RORA: variants seen among roughly 807,000 people sequenced by gnomAD.
RORA encodes the protein nuclear receptor ROR-alpha.
RORA carries 7 observed loss-of-function variants against 69.5 expected under a neutral mutation model. The ratio of observed to expected loss-of-function variants is 0.10; its 90% confidence interval spans 0.06 to 0.19. The LOEUF is 0.19. Ranked by LOEUF, RORA falls within the 10% of genes least tolerant of loss-of-function variation. The pLI is 1.00. For missense variants in RORA, 457 were observed against 663.0 expected (o/e 0.69, Z 3.41); for synonymous variants, 261 against 240.8 (o/e 1.08, Z -0.78).
At chr15:60,515,989 A>T (rs1261214229) in intron 3 of RORA, among the ~76,000 whole-genome samples, 1 of 6,680 alleles carries the variant, frequency 1.5e-4, no homozygotes, top group Non-Finnish European at 8.8e-4. Context: ...ATTTATATAT[A>T]TTTATATATA....
At chr15:60,688,226 TCCC>T (rs2070774674) in intron 1 of RORA, among the ~76,000 whole-genome samples, 2 of 150,396 alleles carry the variant, frequency 1.3e-5, no homozygotes, top group East Asian at 3.9e-4. Context: ...AAATTCAAAG[TCCC>T]AAAGCATAGT....
chr15:60,514,864 T>A, intron 3 of RORA, 107 bp from the exon 4 acceptor site: 1 of 803,208 alleles, frequency 1.2e-6, no homozygotes, highest in Non-Finnish European at 2.0e-6. Context: ...AATGGAGAAT[T>A]AAACTTGTAG....
At chr15:60,921,969 T>C (rs925109846) in intron 1 of RORA, among the ~76,000 whole-genome samples, 5 of 152,214 alleles carry the variant, frequency 3.3e-5, no homozygotes, top group African/African-American at 1.2e-4. Context: ...CAGACCCCCA[T>C]GGACCCCGTC....
At position 60,531,909 on chromosome 15, in the gene RORA, C is replaced by T. The variant is rs10851682; in HGVS notation, c.197-58G>A. 13 of 991,780 alleles carry T rather than the reference C, an allele frequency of 1.3e-5. No homozygotes were observed. The highest frequency in any genetic ancestry group is 7.5e-5 in the East Asian group (3 of 39,896). The allele number at this position is 991,780 out of a possible 1,614,324, so 61.4% of individuals were successfully genotyped here. On this transcript the variant is annotated intron_variant, in intron 2 of 10. Transcript: ENST00000335670. The surrounding 1 kb of genome is among the most constrained non-coding windows in gnomAD (Gnocchi z 4.8). ...TTTTCTTTTAAACACCTTATAAAAG[C>T]GTTCCCTGATCAGCATTTGTATAGT... is the stretch of plus-strand genomic sequence containing the variant.
chr15:60,704,737 T>C (rs1596140980), intron 1 of RORA, among the ~76,000 whole-genome samples: 2 of 152,332 alleles, frequency 1.3e-5, no homozygotes, highest in East Asian at 3.9e-4. Context: ...CAGAATACTA[T>C]ATTAGAGACC....
At chr15:60,836,664 C>A (rs185428211) in intron 1 of RORA, among the ~76,000 whole-genome samples, 7 of 152,276 alleles carry the variant, frequency 4.6e-5, no homozygotes, top group Non-Finnish European at 7.4e-5. Context: ...AGCCTTCTTG[C>A]CTAACCTACT....
intron 1 of RORA, among the ~76,000 whole-genome samples, chr15:60,777,239 G>C (rs1199649797): frequency 1.3e-5 from 2 of 152,156 alleles, no homozygotes; most frequent in Non-Finnish European, 2.9e-5. Context: ...TAAGTGAAAA[G>C]CTGAATACAA....
At chr15:60,669,087 A>G (rs544497233) in intron 2 of RORA, among the ~76,000 whole-genome samples, 1 of 152,350 alleles carries the variant, frequency 6.6e-6, no homozygotes, top group African/African-American at 2.4e-5. Context: ...GTAGCAGAGT[A>G]GCCTGCAGCC....
chr15:60,658,516 T>C (rs974779330), intron 2 of RORA, among the ~76,000 whole-genome samples: 6 of 152,234 alleles, frequency 3.9e-5, no homozygotes, highest in Non-Finnish European at 8.8e-5. Context: ...GACTTCATGG[T>C]TGATCTCCCC....
chr15:60,844,438 G>GTA (rs2073239449), intron 1 of RORA, among the ~76,000 whole-genome samples: 2 of 152,244 alleles, frequency 1.3e-5, no homozygotes, highest in African/African-American at 4.8e-5. Context: ...GCCCCTAAGA[G>GTA]TATAGCAAAG....
chr15:60,578,765 C>CTTTTTTTT (rs768047660), intron 2 of RORA, among the ~76,000 whole-genome samples: 4,123 of 138,414 alleles, frequency 0.03, 101 homozygotes, highest in East Asian at 0.1. Flanking sequence ...TTAAATGAAA[C>CTTTTTTTT]TTTTTTTTTT....
At chr15:60,972,265 G>A (rs768182184) in intron 1 of RORA, among the ~76,000 whole-genome samples, 25 of 152,160 alleles carry the variant, frequency 1.6e-4, no homozygotes, top group Non-Finnish European at 2.8e-4. Flanking sequence ...AAAATAATGT[G>A]AGCACAAGGA....
rs148398230 is a variant in RORA at position 61,091,996 on chromosome 15, C to T, written c.166+137057G>A. ...CTTTTATGTTTCCAGAAGCCAACACCGTAGTCAAACAATTGAACAAACCAA... is the reference window on the plus strand; with the variant it reads ...CTTTTATGTTTCCAGAAGCCAACACTGTAGTCAAACAATTGAACAAACCAA... On this transcript the variant is annotated intron_variant, in intron 1 of 10. Transcript: ENST00000335670. Among the ~76,000 whole-genome samples the T allele has an allele frequency of 2.6e-3, 397 of 152,220 alleles. 2 individuals are homozygous for T. The highest frequency in any genetic ancestry group is 9.0e-3 in the African/African-American group (375 of 41,538).
intron 1 of RORA, among the ~76,000 whole-genome samples, chr15:60,978,961 CTTTTT>C (rs543353825): frequency 4.2e-5 from 4 of 95,138 alleles, no homozygotes; most frequent in African/African-American, 8.2e-5. Flanking sequence ...CAACTTTGCT[CTTTTT>C]TTTTTTTTTT....
chr15:60,703,126 AACACACACACACACAC>A (rs33962963), intron 1 of RORA, among the ~76,000 whole-genome samples: 4 of 145,484 alleles, frequency 2.7e-5, no homozygotes, highest in Non-Finnish European at 6.1e-5. Flanking sequence ...GCTTCAGATT[AACACACACACACACAC>A]ACACACACAC....
chr15:60,678,598 A>G, intron 2 of RORA, 59 bp downstream of exon 2: 4 of 1,249,512 alleles, frequency 3.2e-6, no homozygotes, highest in Non-Finnish European at 4.7e-6. Flanking sequence ...CAGCAGCCAG[A>G]CATATGCGAA....
At chr15:60,588,614 T>C (rs1429400856) in intron 2 of RORA, among the ~76,000 whole-genome samples, 1 of 152,220 alleles carries the variant, frequency 6.6e-6, no homozygotes. Context: ...CCACTTTTAT[T>C]GTGTCTCACT....
intron 2 of RORA, among the ~76,000 whole-genome samples, chr15:60,672,587 C>T (rs1197601137): frequency 1.3e-5 from 2 of 152,148 alleles, no homozygotes; most frequent in Non-Finnish European, 1.5e-5. Context: ...CTTATGTGTG[C>T]ACAAGGGGGC....
intron 1 of RORA, among the ~76,000 whole-genome samples, chr15:60,741,462 G>T (rs2071574566): frequency 6.6e-6 from 1 of 152,212 alleles, no homozygotes; most frequent in Non-Finnish European, 1.5e-5. Flanking sequence ...AGTGAGATGG[G>T]TCTATGCCTC....
Sources: allele counts gnomAD v4.1 joint callset (sites outside exome capture counted in the v4.1 genomes callset), GRCh38; gene constraint gnomAD v4.1.1; non-coding constraint Gnocchi (gnomAD v3.1); transcripts MANE v1.5; gene names NCBI Gene and HGNC (gene_info 2026-07-23, HGNC 2026-07-21).